The following KPNA7 variants were observed in gnomAD, a reference collection of about 807,000 sequenced individuals.
KPNA7 encodes the protein karyopherin subunit alpha 7.
A neutral mutation model predicts 53.7 loss-of-function variants in KPNA7; 54 were observed. That is an observed-to-expected ratio of 1.01 (90% CI 0.81 to 1.26). The LOEUF (loss-of-function observed/expected upper bound fraction) is 1.26, where lower values mean the gene tolerates loss of function less well. Among genes scored for constraint, KPNA7 ranks in the 50% most tolerant of loss-of-function variants. The pLI, the probability that KPNA7 is intolerant of heterozygous loss-of-function variation, is 0.00. For missense variants in KPNA7, 640 were observed against 644.5 expected (o/e 0.99, Z 0.07); for synonymous variants, 276 against 259.3 (o/e 1.06, Z -0.62).
Position 99,188,448 on chromosome 7 carries a change from T to C in KPNA7, c.752A>G (p.Gln251Arg), listed in dbSNP as rs1789746763. 3 of 1,551,702 alleles carry C rather than the reference T, an allele frequency of 1.9e-6. No individual in the cohort carries two copies. Among genetic ancestry groups the C allele is most frequent in the Non-Finnish European group, 2.6e-6 (3 of 1,147,004 alleles). Residue 251 changes from glutamine to arginine, a missense_variant, in exon 7 of 11, where the codon CAG becomes CGG. Transcript: ENST00000327442. ...QILPALLHLL[Q>R]HQDSEVLSDA... ...CGAGAGAACCTCACTGTCCTGGTGC[T>C]GCAGGAGGTGAAGGAGGGCCGGCAG...
chr7:99,163,381 ATATTTTTT>A, the KPNA7 span, among the ~76,000 whole-genome samples: 1 of 58,894 alleles, frequency 1.7e-5, no homozygotes, highest in African/African-American at 6.8e-5. Flanking sequence ...ATATATATAT[ATATTTTTT>A]TTTTTTTTTT....
At chr7:99,180,270 G>A (rs1162750078) in intron 9 of KPNA7, among the ~76,000 whole-genome samples, 1 of 152,180 alleles carries the variant, frequency 6.6e-6, no homozygotes, top group African/African-American at 2.4e-5. Context: ...GGGAGGCTGA[G>A]GCGGGAGGAT....
chr7:99,193,227 T>C lies in KPNA7; in HGVS notation c.554-126A>G, dbSNP rs1790056672. ...CTCATTCCCGGGTTTAGCAAGTAGG[T>C]AGTAGAGCCACGTACTAAATTCTGG... On this transcript the variant is annotated intron_variant, in intron 5 of 10. Coordinates refer to ENST00000327442, the MANE Select transcript of KPNA7 (RefSeq NM_001145715.3). 2.8e-5 allele frequency: 15 copies of C among 543,366 alleles called. No individual in the cohort carries two copies. In the South Asian group the frequency reaches 5.0e-4, roughly 18 times the overall value. The allele number at this position is 543,366 out of a possible 1,614,324, so 33.7% of individuals were successfully genotyped here. A position where few individuals can be genotyped will look rare whatever the true frequency, so the allele number is the denominator to read the frequency against.
At chr7:99,203,022 C>A in intron 3 of KPNA7, 84 bp downstream of exon 3, 2 of 1,476,006 alleles carry the variant, frequency 1.4e-6, no homozygotes, top group Non-Finnish European at 1.8e-6. Flanking sequence ...TTTGCAAGTT[C>A]TGAATCTATT....
At chr7:99,185,855 A>G (rs190343638) in intron 7 of KPNA7, among the ~76,000 whole-genome samples, 1 of 152,166 alleles carries the variant, frequency 6.6e-6, no homozygotes, top group East Asian at 1.9e-4. Flanking sequence ...TAGTGGTACG[A>G]TTTTGGTTGT....
chr7:99,183,392 G>A (rs1471601486), intron 8 of KPNA7, among the ~76,000 whole-genome samples: 1 of 150,866 alleles, frequency 6.6e-6, no homozygotes, highest in Non-Finnish European at 1.5e-5. Flanking sequence ...ACTGACCTCA[G>A]CATAAAAAAC....
At chr7:99,161,731 T>C in the KPNA7 span, among the ~76,000 whole-genome samples, 1 of 152,160 alleles carries the variant, frequency 6.6e-6, no homozygotes. Context: ...TAACCATTTT[T>C]GCATCGCCTT....
At chr7:99,216,686 T>G (rs1170139789) in intron 1 of KPNA7, among the ~76,000 whole-genome samples, 2 of 152,148 alleles carry the variant, frequency 1.3e-5, no homozygotes, top group Non-Finnish European at 2.9e-5. Flanking sequence ...CTCAGCCCCC[T>G]GAGTAGCTGG....
chr7:99,194,563 T>C (rs538963508), intron 5 of KPNA7, among the ~76,000 whole-genome samples: 1 of 152,166 alleles, frequency 6.6e-6, no homozygotes, highest in Non-Finnish European at 1.5e-5. Flanking sequence ...CACTGTATCA[T>C]CCTGTTTCAG....
At chr7:99,189,806 G>A (rs1789841284) in intron 6 of KPNA7, among the ~76,000 whole-genome samples, 1 of 152,012 alleles carries the variant, frequency 6.6e-6, no homozygotes, top group Non-Finnish European at 1.5e-5. Context: ...TGCCCAGGCT[G>A]GTCTCAAACT....
chr7:99,213,456 A>AAAG (rs1472872318), intron 1 of KPNA7, among the ~76,000 whole-genome samples: 147 of 126,112 alleles, frequency 1.2e-3, no homozygotes, highest in South Asian at 8.9e-3. Context: ...AAAAAAAAAA[A>AAAG]AGAGAGAGAG....
the KPNA7 span, among the ~76,000 whole-genome samples, chr7:99,165,129 C>T: frequency 1.3e-5 from 2 of 151,766 alleles, no homozygotes; most frequent in Admixed American, 6.6e-5. Flanking sequence ...CGACAGAACA[C>T]GACTTTGTCT....
chr7:99,188,187 A>AG (rs1789723421), intron 7 of KPNA7, 113 bp downstream of exon 7: 4 of 981,580 alleles, frequency 4.1e-6, no homozygotes, highest in African/African-American at 3.4e-5. Flanking sequence ...AAAAAAAAAA[A>AG]AAAAAAAAAA....
Position 99,184,993 on chromosome 7 carries a change from C to G in KPNA7, c.1070G>C (p.Cys357Ser), listed in dbSNP as rs191505299. 15 of 1,551,936 alleles carry G rather than the reference C, an allele frequency of 9.7e-6. No homozygotes were observed. In the African/African-American group the frequency reaches 2.1e-4, roughly 21 times the overall value. Residue 357 changes from cysteine to serine, a missense_variant, in exon 8 of 11, where the codon TGT becomes TCT. Physicochemically the swap from Cys to Ser is moderately radical, Grantham distance 112 (BLOSUM62 -1). Coordinates refer to ENST00000327442, the MANE Select transcript of KPNA7 (RefSeq NM_001145715.3). ...WALSNVAAGPCHHIQQLLAYD... is the reference protein window; with the variant it reads ...WALSNVAAGPSHHIQQLLAYD... ...GGCAAGCAGCTGCTGGATGTGGTGA[C>G]AAGGCCCCGCTGCTACGTTGCTCAG... is the stretch of plus-strand genomic sequence containing the variant.
the KPNA7 span, among the ~76,000 whole-genome samples, chr7:99,164,119 C>T: frequency 1.2e-4 from 18 of 149,936 alleles, no homozygotes; most frequent in East Asian, 3.5e-3. Flanking sequence ...ACCATTTGAC[C>T]CAGCCATCCC....
intron 10 of KPNA7, among the ~76,000 whole-genome samples, chr7:99,176,320 A>AT (rs1798905221): frequency 1.5e-5 from 1 of 68,750 alleles, no homozygotes; most frequent in Non-Finnish European, 4.1e-5. Context: ...AAAGAAAGAA[A>AT]GAAAGAAAGA....
rs760418258 is a variant in KPNA7 at position 99,192,998 on chromosome 7, GA to G, written c.636+20del. 2.8e-6 allele frequency: 4 copies of G among 1,409,936 alleles called. No homozygotes were observed. In the South Asian group the frequency reaches 5.8e-5, roughly 20 times the overall value. 87.3% of individuals were successfully genotyped at this position (1,409,936 alleles called of 1,614,324 possible). On this transcript the variant is annotated intron_variant, in intron 6 of 10. Transcript: ENST00000327442. ...AAATTTTAATTTAAAAAAAAAAAAA[GA>G]GAAAGAAAAAGACACTTACCGGCAG...
the KPNA7 span, among the ~76,000 whole-genome samples, chr7:99,150,934 C>T: frequency 6.6e-6 from 1 of 152,086 alleles, no homozygotes; most frequent in Admixed American, 6.6e-5. Flanking sequence ...TTTGATTGTG[C>T]AAAAATAAAA....
At chr7:99,159,645 A>G in the KPNA7 span, among the ~76,000 whole-genome samples, 1 of 152,146 alleles carries the variant, frequency 6.6e-6, no homozygotes, top group African/African-American at 2.4e-5. Context: ...CACTTCATCT[A>G]TGATCATTCC....
Sources: gnomAD v4.1 joint callset for allele counts (sites outside exome capture counted in the v4.1 genomes callset) on GRCh38, gnomAD v4.1.1 for gene constraint, MANE v1.5 for transcripts, NCBI Gene and HGNC (gene_info 2026-07-23, HGNC 2026-07-21) for gene names.